EYA4: variants seen among roughly 807,000 people sequenced by gnomAD.
The protein encoded by EYA4 is EYA transcriptional coactivator and phosphatase 4.
A neutral mutation model predicts 87.9 loss-of-function variants in EYA4; 31 were observed. That is an observed-to-expected ratio of 0.35 (90% CI 0.27 to 0.48). EYA4 has a LOEUF of 0.48. Ranked by LOEUF, EYA4 falls within the 20% of genes least tolerant of loss-of-function variation. EYA4 has a pLI of 0.99. For missense variants in EYA4, 678 were observed against 761.4 expected (o/e 0.89, Z 1.29); for synonymous variants, 263 against 270.6 (o/e 0.97, Z 0.28).
Position 133,468,704 on chromosome 6 carries a change from T to A in EYA4, c.943T>A (p.Ser315Thr). Residue 315 changes from serine to threonine, a missense_variant, in exon 11 of 20, where the codon TCT becomes ACT. Physicochemically the swap from Ser to Thr is moderately conservative, Grantham distance 58 (BLOSUM62 1). Coordinates refer to ENST00000355286, the MANE Select transcript of EYA4 (RefSeq NM_004100.5). ...SSTSTYQLQESLPGLTNQPGE... is the reference protein window; with the variant it reads ...SSTSTYQLQETLPGLTNQPGE... Reference sequence around the variant, plus strand: ...AACCTCTACTTATCAGTTGCAGGAATCTCTCCCAGGACTGACTAACCAACC... The same window carrying A: ...AACCTCTACTTATCAGTTGCAGGAAACTCTCCCAGGACTGACTAACCAACC... 1 of 1,613,120 alleles carries A rather than the reference T, an allele frequency of 6.2e-7. No individual in the cohort carries two copies. The highest frequency in any genetic ancestry group is 8.5e-7 in the Non-Finnish European group (1 of 1,179,318).
Position 133,530,035 on chromosome 6 carries a change from C to G in EYA4, c.*1230C>G, listed in dbSNP as rs1243513649. 1 of 984,702 alleles carries G rather than the reference C, an allele frequency of 1.0e-6. No homozygotes were observed. The highest frequency in any genetic ancestry group is 1.7e-5 in the African/African-American group (1 of 57,204). 61.0% of individuals were successfully genotyped at this position (984,702 alleles called of 1,614,324 possible). On this transcript the variant is annotated 3_prime_UTR_variant, in exon 20 of 20. Transcript: ENST00000355286. ...AGTATGTTTATTCCCAATGCCATGG[C>G]AAAAATGATAATATCATCAGAAATG...
intron 5 of EYA4, 23 bp downstream of exon 5, chr6:133,448,202 G>C: frequency 6.4e-7 from 1 of 1,574,250 alleles, no homozygotes; most frequent in South Asian, 1.1e-5. Context: ...CTGGTACACT[G>C]CATGTGTTTG....
chr6:133,490,729 A>G (rs1359479535), intron 13 of EYA4, among the ~76,000 whole-genome samples: 1 of 152,198 alleles, frequency 6.6e-6, no homozygotes, highest in Admixed American at 6.5e-5. Context: ...AATACTAAAG[A>G]GAGAGATAAA....
chr6:133,258,744 C>A (rs150999062), intron 1 of EYA4, among the ~76,000 whole-genome samples: 3,270 of 152,038 alleles, frequency 0.022, 74 homozygotes, highest in Non-Finnish European at 0.03. Flanking sequence ...CTTTTTAGGT[C>A]CAAGAGCATT....
intron 3 of EYA4, among the ~76,000 whole-genome samples, chr6:133,431,928 A>G (rs1298053328): frequency 6.7e-6 from 1 of 148,230 alleles, no homozygotes; most frequent in East Asian, 2.0e-4. Context: ...CATGAGCCCA[A>G]TAAAATAGTC....
At chr6:133,320,855 ACT>A (rs1781035113) in intron 2 of EYA4, among the ~76,000 whole-genome samples, 1 of 151,848 alleles carries the variant, frequency 6.6e-6, no homozygotes, top group South Asian at 2.1e-4. Flanking sequence ...ACATGATTTC[ACT>A]CTCTTTTATG....
intron 2 of EYA4, among the ~76,000 whole-genome samples, chr6:133,356,053 GAGAA>G (rs1261865637): frequency 4.9e-5 from 5 of 102,932 alleles, no homozygotes; most frequent in South Asian, 2.9e-4. Context: ...GAGAGAAAGA[GAGAA>G]AGAGAGAGAG....
At chr6:133,241,278 T>TCGCCCC (rs1385396233), upstream of EYA4, 1 of 151,426 alleles carries the variant, frequency 6.6e-6, no homozygotes, top group African/African-American at 2.4e-5. Context: ...GGTGGCGACG[T>TCGCCCC]CGCCCCCGCC....
At position 133,446,634 on chromosome 6, in the gene EYA4, A is replaced by G. The variant is rs1026869914; in HGVS notation, c.88A>G (p.Met30Val). 2.5e-6 allele frequency: 4 copies of G among 1,613,970 alleles called. No homozygotes were observed. Among genetic ancestry groups the G allele is most frequent in the East Asian group, 4.5e-5 (2 of 44,826 alleles). The change falls in exon 4 of 20, where the codon ATG becomes GTG. Residue 30 changes from methionine to valine, a missense_variant. By Grantham distance (21) the Met-to-Val change is conservative. Transcript: ENST00000355286. ...DVSQSQNSRS[M>V]EMQDLASPHT... Reference sequence around the variant, plus strand: ...TGCTGCTTACTGCTCTACCAGGTCTATGGAAATGCAGGACCTAGCAAGTCC... The same window carrying G: ...TGCTGCTTACTGCTCTACCAGGTCTGTGGAAATGCAGGACCTAGCAAGTCC...
chr6:133,263,042 C>T (rs750712389), intron 1 of EYA4, among the ~76,000 whole-genome samples: 1 of 152,190 alleles, frequency 6.6e-6, no homozygotes, highest in Non-Finnish European at 1.5e-5. Context: ...TCCTCTCTGG[C>T]ATGCTTCCCG....
At chr6:133,452,458 A>G (rs1442877190) in intron 5 of EYA4, among the ~76,000 whole-genome samples, 1 of 152,150 alleles carries the variant, frequency 6.6e-6, no homozygotes, top group African/African-American at 2.4e-5. Flanking sequence ...ACTTTCTCTA[A>G]AAGTAATTAA....
intron 2 of EYA4, among the ~76,000 whole-genome samples, chr6:133,298,998 A>G (rs770588276): frequency 6.6e-6 from 1 of 152,202 alleles, no homozygotes; most frequent in Non-Finnish European, 1.5e-5. Context: ...TAATAGAGCT[A>G]TAAATAAAGT....
rs561221076 is a variant in EYA4, at chr6:133,357,960, A to G, written c.34-24432A>G. ...AGAAAAATAATTATCTATATTATCT[A>G]TATCTGTTTAGGCCCTGTTTATCTA... On this transcript the variant is annotated intron_variant, in intron 2 of 19. Coordinates refer to ENST00000355286, the MANE Select transcript of EYA4 (RefSeq NM_004100.5). 3.8e-4 allele frequency among the ~76,000 whole-genome samples: 57 copies of G among 151,952 alleles called. 1 individual carries two copies. Among genetic ancestry groups the G allele is most frequent in the Admixed American group, 3.9e-4 (6 of 15,246 alleles).
chr6:133,505,091 G>A (rs56253925), intron 13 of EYA4, among the ~76,000 whole-genome samples: 1 of 152,106 alleles, frequency 6.6e-6, no homozygotes, highest in Non-Finnish European at 1.5e-5. Flanking sequence ...AATTTTAAGG[G>A]TTTGTCCCTT....
At chr6:133,377,812 C>G (rs1420740483) in intron 2 of EYA4, among the ~76,000 whole-genome samples, 1 of 151,852 alleles carries the variant, frequency 6.6e-6, no homozygotes. Flanking sequence ...AATTTCCACT[C>G]TTAGTTTTAA....
intron 3 of EYA4, among the ~76,000 whole-genome samples, chr6:133,443,634 C>T (rs1191373441): frequency 6.6e-6 from 1 of 152,046 alleles, no homozygotes; most frequent in African/African-American, 2.4e-5. Context: ...AATCCTTCTT[C>T]TTTTCTAATA....
At chr6:133,299,927 C>CTATATA (rs1562263780) in intron 2 of EYA4, among the ~76,000 whole-genome samples, 7 of 76,132 alleles carry the variant, frequency 9.2e-5, no homozygotes, top group African/African-American at 4.9e-4. Flanking sequence ...ATAAAGATCT[C>CTATATA]TATCTATCTA....
rs184422151 is a variant in EYA4, at chr6:133,376,453, A to T, written c.34-5939A>T. Among the ~76,000 whole-genome samples the T allele has an allele frequency of 2.7e-3, 411 of 151,964 alleles. 1 individual carries two copies. Among genetic ancestry groups the T allele is most frequent in the African/African-American group, 9.5e-3 (395 of 41,514 alleles). ...AAAACAAAATGAAGTTCCAAAAGAG[A>T]TCTTTTGAAAATGTCTTCTTACATT... On this transcript the variant is annotated intron_variant, in intron 2 of 19. Coordinates refer to ENST00000355286, the MANE Select transcript of EYA4 (RefSeq NM_004100.5).
At chr6:133,349,144 G>T (rs1583027232) in intron 2 of EYA4, among the ~76,000 whole-genome samples, 1 of 152,148 alleles carries the variant, frequency 6.6e-6, no homozygotes, top group Non-Finnish European at 1.5e-5. Context: ...TTAAGTGTTT[G>T]TATAACTCAC....
Sources: allele counts gnomAD v4.1 joint callset (sites outside exome capture counted in the v4.1 genomes callset), GRCh38; gene constraint gnomAD v4.1.1; transcripts MANE v1.5; gene names NCBI Gene and HGNC (gene_info 2026-07-23, HGNC 2026-07-21).